Variants in SOX5 observed in about 807,000 individuals in gnomAD.
The protein encoded by SOX5 is transcription factor SOX-5.
In SOX5, 9 loss-of-function variants were observed where a neutral mutation model predicts 92.0. The observed-to-expected ratio is 0.10, with a 90% CI of 0.06 to 0.17. The LOEUF is 0.17. Ranked by LOEUF, SOX5 falls within the 10% of genes least tolerant of loss-of-function variation. SOX5 has a pLI of 1.00. For missense variants in SOX5, 642 were observed against 944.5 expected, an observed-to-expected ratio of 0.68 and a Z score of 4.20; for synonymous variants, 344 against 336.3, an observed-to-expected ratio of 1.02 and a Z score of -0.25.
intron 2 of SOX5, among the ~76,000 whole-genome samples, chr12:23,849,468 TA>T (rs1184950221): frequency 9.9e-5 from 15 of 152,168 alleles, no homozygotes; most frequent in Non-Finnish European, 2.2e-4. Flanking sequence ...AAGCACAGTA[TA>T]TGCTCAAGGT....
rs561456083 is a variant in SOX5 at position 24,058,831 on chromosome 12, G to T, written c.-2+154512C>A. Reference sequence around the variant, plus strand: ...TAAATAAATATAGTTCATGCACAAGGTCCCATTGTACATATGTAGTTACAT... The same window carrying T: ...TAAATAAATATAGTTCATGCACAAGTTCCCATTGTACATATGTAGTTACAT... On this transcript the variant is annotated intron_variant, in intron 4 of 4. Coordinates refer to the SOX5 transcript ENST00000446891. Among the ~76,000 whole-genome samples the T allele has an allele frequency of 2.6e-5, 4 of 152,040 alleles. No homozygotes were observed. In the East Asian group the frequency reaches 7.7e-4, roughly 29 times the overall value.
chr12:23,715,812 A>AAAAAAAAAC (rs1314668005), intron 6 of SOX5, among the ~76,000 whole-genome samples: 1 of 136,748 alleles, frequency 7.3e-6, no homozygotes, highest in African/African-American at 3.5e-5. Context: ...AATTTCCCAA[A>AAAAAAAAAC]AAAAAAAAAA....
intron 11 of SOX5, among the ~76,000 whole-genome samples, chr12:23,554,595 C>T (rs886866939): frequency 6.6e-6 from 1 of 152,018 alleles, no homozygotes; most frequent in Non-Finnish European, 1.5e-5. Context: ...ATTTACATTA[C>T]AGAGTGAGAA....
chr12:23,937,579 C>G (rs1487892734), intron 1 of SOX5, among the ~76,000 whole-genome samples: 1 of 150,934 alleles, frequency 6.6e-6, no homozygotes, highest in Non-Finnish European at 1.5e-5. Flanking sequence ...AGGAATATAA[C>G]CTATTCCTAA....
chr12:23,719,968 T>C (rs1300887299), intron 6 of SOX5, among the ~76,000 whole-genome samples: 2 of 152,058 alleles, frequency 1.3e-5, no homozygotes, highest in African/African-American at 2.4e-5. Flanking sequence ...AAAAATGATA[T>C]GAGCCAGTAG....
chr12:23,805,288 T>C (rs1052466326), intron 3 of SOX5, among the ~76,000 whole-genome samples: 1 of 151,930 alleles, frequency 6.6e-6, no homozygotes, highest in African/African-American at 2.4e-5. Flanking sequence ...TAGACATCAG[T>C]TTTTCTATCT....
chr12:24,421,719 C>T (rs1461898129), intron 1 of SOX5, among the ~76,000 whole-genome samples: 2 of 152,146 alleles, frequency 1.3e-5, no homozygotes, highest in Non-Finnish European at 2.9e-5. Flanking sequence ...GTAATTGTTG[C>T]TAAATGTCTA....
intron 1 of SOX5, among the ~76,000 whole-genome samples, chr12:24,398,154 A>G (rs1168260019): frequency 6.6e-6 from 1 of 152,114 alleles, no homozygotes; most frequent in African/African-American, 2.4e-5. Flanking sequence ...CCGGCCAAAT[A>G]TTATTTTTTA....
intron 8 of SOX5, among the ~76,000 whole-genome samples, chr12:23,616,808 A>G (rs2076608906): frequency 6.6e-6 from 1 of 152,110 alleles, no homozygotes; most frequent in Admixed American, 6.5e-5. Context: ...CAAAAGGCTG[A>G]AGAGTTAGTT....
chr12:23,836,886 C>T (rs978310868), intron 3 of SOX5, among the ~76,000 whole-genome samples: 1 of 151,776 alleles, frequency 6.6e-6, no homozygotes, highest in African/African-American at 2.4e-5. Flanking sequence ...ATCTTTGCTT[C>T]CCTCATAGTC....
At chr12:24,506,782 G>GTT (rs1386116375) in intron 1 of SOX5, among the ~76,000 whole-genome samples, 4 of 80,274 alleles carry the variant, frequency 5.0e-5, no homozygotes, top group Non-Finnish European at 9.5e-5. Context: ...TATCCAAATG[G>GTT]TCTTTTTTTT....
chr12:24,293,122 G>C (rs16927420), intron 2 of SOX5, among the ~76,000 whole-genome samples: 1 of 152,060 alleles, frequency 6.6e-6, no homozygotes, highest in East Asian at 1.9e-4. Flanking sequence ...ATCCCACTCA[G>C]TCCAACAAGA....
At chr12:23,884,256 G>T (rs2097034224) in intron 2 of SOX5, among the ~76,000 whole-genome samples, 1 of 152,048 alleles carries the variant, frequency 6.6e-6, no homozygotes, top group Non-Finnish European at 1.5e-5. Flanking sequence ...TCCATAATTT[G>T]CCAAATGCCA....
chr12:23,566,953 G>A (rs1030136893), intron 10 of SOX5, among the ~76,000 whole-genome samples: 10 of 152,198 alleles, frequency 6.6e-5, no homozygotes, highest in Non-Finnish European at 1.5e-4. Flanking sequence ...TAAAGCTGAT[G>A]GAAGAATTAG....
chr12:24,488,518 C>T (rs538912436), intron 1 of SOX5, among the ~76,000 whole-genome samples: 17 of 152,216 alleles, frequency 1.1e-4, no homozygotes, highest in Non-Finnish European at 2.2e-4. Flanking sequence ...CCCAGGAGTT[C>T]AAGGCTACAG....
intron 4 of SOX5, among the ~76,000 whole-genome samples, chr12:24,055,636 A>C (rs549113835): frequency 6.6e-6 from 1 of 152,392 alleles, no homozygotes; most frequent in East Asian, 1.9e-4. Context: ...AGACTGATAA[A>C]AATGAAAAGA....
intron 1 of SOX5, among the ~76,000 whole-genome samples, chr12:24,388,817 A>C (rs1023817272): frequency 6.6e-6 from 1 of 151,912 alleles, no homozygotes; most frequent in Non-Finnish European, 1.5e-5. Context: ...TTCTGTCTCT[A>C]TATATTTGGT....
intron 4 of SOX5, among the ~76,000 whole-genome samples, chr12:24,202,819 A>G (rs1431857093): frequency 2.0e-5 from 3 of 152,202 alleles, no homozygotes; most frequent in Non-Finnish European, 4.4e-5. Context: ...ATGGTGATAT[A>G]TCTCATTACT....
chr12:24,481,372 T>C (rs10771092), intron 1 of SOX5, among the ~76,000 whole-genome samples: 87,825 of 151,860 alleles, frequency 0.58, 26,098 homozygotes, highest in East Asian at 0.97. Flanking sequence ...AGGGTGACTA[T>C]AGTCAATAAG....
Sources: gnomAD v4.1 joint callset for allele counts (sites outside exome capture counted in the v4.1 genomes callset) on GRCh38, gnomAD v4.1.1 for gene constraint, MANE v1.5 for transcripts, NCBI Gene and HGNC (gene_info 2026-07-23, HGNC 2026-07-21) for gene names.